The following NRF1 variants were observed in gnomAD, a reference collection of about 807,000 sequenced individuals.
The protein encoded by NRF1 is alpha palindromic-binding protein.
In NRF1, 5 loss-of-function variants were observed where a neutral mutation model predicts 58.5. The observed-to-expected ratio is 0.09, with a 90% CI of 0.04 to 0.18. NRF1 has a LOEUF of 0.18. NRF1 is among the 10% of genes least tolerant of loss of function. The pLI is 1.00. For missense variants in NRF1, 288 were observed against 657.7 expected (o/e 0.44, Z 6.15); for synonymous variants, 224 against 246.7 (o/e 0.91, Z 0.86).
At chr7:129,695,232 A>AT (rs1280758366) in intron 5 of NRF1, among the ~76,000 whole-genome samples, 1 of 152,146 alleles carries the variant, frequency 6.6e-6, no homozygotes, top group African/African-American at 2.4e-5. Flanking sequence ...TAACATTAAC[A>AT]TAAAACATGC....
chr7:129,687,276 CTTTTTT>C, intron 4 of NRF1, among the ~76,000 whole-genome samples: 1 of 137,774 alleles, frequency 7.3e-6, no homozygotes, highest in Admixed American at 7.4e-5. Flanking sequence ...GATGCAAGTC[CTTTTTT>C]TTTTTTTTTT....
chr7:129,627,260 G>GAGTGT (rs1800939723), intron 1 of NRF1, among the ~76,000 whole-genome samples: 1 of 152,142 alleles, frequency 6.6e-6, no homozygotes, highest in Admixed American at 6.5e-5. Flanking sequence ...GCTCAGGCTG[G>GAGTGT]AGTGTAGTTA....
At chr7:129,750,839 G>A (rs974112505) in intron 10 of NRF1, among the ~76,000 whole-genome samples, 2 of 152,176 alleles carry the variant, frequency 1.3e-5, no homozygotes, top group African/African-American at 4.8e-5. Context: ...TCTTGTTCCA[G>A]AACAGCCTCA....
intron 4 of NRF1, among the ~76,000 whole-genome samples, chr7:129,683,633 A>ATTT (rs36101502): frequency 2.7e-4 from 32 of 117,428 alleles, no homozygotes; most frequent in Non-Finnish European, 4.2e-4. Flanking sequence ...ACTGGCCGGA[A>ATTT]TTTTTTTTTT....
In NRF1 at chr7:129,710,517, A is replaced by G; in HGVS notation, c.909A>G (p.Ser303=). The part of the protein sequence containing the change: ...ATHSIAHLVP[S]QTVVQTFSNP... Reference sequence around the variant, plus strand: ...ATAGTATAGCTCATCTTGTACCATCACAGACTGTAGTCCAGACTTTTAGTA... The same window carrying G: ...ATAGTATAGCTCATCTTGTACCATCGCAGACTGTAGTCCAGACTTTTAGTA... Residue 303 remains serine (S), a synonymous_variant, in exon 7 of 11, where the codon TCA becomes TCG. Transcript: ENST00000393232. 6.2e-7 allele frequency: 1 copy of G among 1,607,204 alleles called. No homozygotes were observed. Among genetic ancestry groups the G allele is most frequent in the Non-Finnish European group, 8.5e-7 (1 of 1,173,682 alleles).
intron 9 of NRF1, among the ~76,000 whole-genome samples, chr7:129,719,812 C>G (rs915803110): frequency 1.3e-5 from 2 of 152,112 alleles, no homozygotes; most frequent in African/African-American, 2.4e-5. Context: ...TCCAGTAACA[C>G]CCCCCATTCT....
chr7:129,630,296 A>G (rs866026906), intron 1 of NRF1: 6 of 152,234 alleles, frequency 3.9e-5, no homozygotes, highest in Non-Finnish European at 7.3e-5. Flanking sequence ...ATGAAATAAA[A>G]GAACAAAATA....
At chr7:129,643,853 A>G (rs1248613321) in intron 1 of NRF1, among the ~76,000 whole-genome samples, 3 of 152,218 alleles carry the variant, frequency 2.0e-5, no homozygotes, top group African/African-American at 7.2e-5. Flanking sequence ...ACTAAATGGC[A>G]GTGTAAAGAA....
intron 5 of NRF1, among the ~76,000 whole-genome samples, chr7:129,703,591 A>G (rs898657844): frequency 1.6e-4 from 24 of 152,222 alleles, no homozygotes; most frequent in African/African-American, 2.7e-4. Context: ...GCCTTTTTCA[A>G]TGAAGTCAAA....
intron 2 of NRF1, among the ~76,000 whole-genome samples, chr7:129,664,043 G>A (rs1408572439): frequency 6.7e-6 from 1 of 149,572 alleles, no homozygotes; most frequent in African/African-American, 2.5e-5. Flanking sequence ...GAGAATCACC[G>A]GAGCCCAGGG....
At position 129,747,143 on chromosome 7, in the gene NRF1, G is replaced by A. The variant is rs562964172; in HGVS notation, c.1349-7875G>A. The stretch of plus-strand genomic sequence containing the variant: ...TTAGTTTCTGGAGGACTTCAGAAAT[G>A]TATCAGGGTGATGACATCACATCAT... On this transcript the variant is annotated intron_variant, in intron 10 of 10. Transcript: ENST00000393232. Among the ~76,000 whole-genome samples, 14 of 152,264 alleles carry A rather than the reference G, an allele frequency of 9.2e-5. No individual in the cohort carries two copies. In the South Asian group the frequency reaches 2.7e-3, roughly 29 times the overall value.
intron 5 of NRF1, among the ~76,000 whole-genome samples, chr7:129,704,642 G>T (rs1802908765): frequency 6.6e-6 from 1 of 152,116 alleles, no homozygotes; most frequent in African/African-American, 2.4e-5. Context: ...ATATCTTGGG[G>T]ATAGGACCAC....
At chr7:129,662,583 T>C (rs1391736295) in intron 2 of NRF1, among the ~76,000 whole-genome samples, 1 of 152,180 alleles carries the variant, frequency 6.6e-6, no homozygotes, top group Non-Finnish European at 1.5e-5. Flanking sequence ...TGTACTATTA[T>C]ATTTCAATGA....
intron 10 of NRF1, among the ~76,000 whole-genome samples, chr7:129,750,287 A>G (rs934035563): frequency 6.6e-6 from 1 of 152,214 alleles, no homozygotes; most frequent in Non-Finnish European, 1.5e-5. Context: ...ATGCAGGGAC[A>G]GTCCCAGCCT....
chr7:129,641,435 A>G (rs1346736598), intron 1 of NRF1, among the ~76,000 whole-genome samples: 2 of 152,110 alleles, frequency 1.3e-5, no homozygotes, highest in African/African-American at 4.8e-5. Context: ...ACCTTCTGAT[A>G]CCTGTACTCA....
chr7:129,735,948 C>CA (rs1324941809), intron 10 of NRF1, among the ~76,000 whole-genome samples: 2 of 152,028 alleles, frequency 1.3e-5, no homozygotes, highest in African/African-American at 4.8e-5. Flanking sequence ...GTGGAGCTTG[C>CA]AGTAAGCCTA....
At chr7:129,635,815 G>A (rs1012826906) in intron 1 of NRF1, among the ~76,000 whole-genome samples, 1 of 151,940 alleles carries the variant, frequency 6.6e-6, no homozygotes, top group African/African-American at 2.4e-5. Flanking sequence ...TATACACCCC[G>A]TTAGAAAAAT....
intron 5 of NRF1, among the ~76,000 whole-genome samples, chr7:129,698,286 G>A (rs1049310854): frequency 1.5e-5 from 2 of 131,478 alleles, no homozygotes; most frequent in African/African-American, 5.8e-5. Context: ...AAAGTTTTTA[G>A]TCTCTTCTTT....
At chr7:129,679,685 T>A (rs1327868982) in intron 4 of NRF1, among the ~76,000 whole-genome samples, 2 of 148,426 alleles carry the variant, frequency 1.3e-5, no homozygotes, top group Non-Finnish European at 3.0e-5. Context: ...ATCGTGCCAC[T>A]GCACTCCAGC....
Sources: allele counts gnomAD v4.1 joint callset (sites outside exome capture counted in the v4.1 genomes callset), GRCh38; gene constraint gnomAD v4.1.1; transcripts MANE v1.5; gene names NCBI Gene and HGNC (gene_info 2026-07-23, HGNC 2026-07-21).